The following PALLD variants were observed in gnomAD, a reference collection of about 807,000 sequenced individuals.
The protein encoded by PALLD is palladin, cytoskeletal associated protein.
PALLD carries 61 observed loss-of-function variants against 123.5 expected under a neutral mutation model. The ratio of observed to expected loss-of-function variants is 0.49; its 90% confidence interval spans 0.40 to 0.61. The LOEUF (loss-of-function observed/expected upper bound fraction) is 0.61. Among genes scored for constraint, PALLD ranks in the 20% least tolerant of loss-of-function variants. The pLI is 0.00. For missense variants in PALLD, 1,273 were observed against 1,377.0 expected, an observed-to-expected ratio of 0.92 and a Z score of 1.20; for synonymous variants, 465 against 496.4, an observed-to-expected ratio of 0.94 and a Z score of 0.84.
intron 10 of PALLD, among the ~76,000 whole-genome samples, chr4:168,809,697 C>G (rs1314107222): frequency 6.6e-6 from 1 of 152,030 alleles, no homozygotes; most frequent in Admixed American, 6.6e-5. Flanking sequence ...AGCCCCATCT[C>G]TACTAAAAAT....
chr4:168,819,216 C>A (rs1742375731), intron 10 of PALLD, among the ~76,000 whole-genome samples: 1 of 151,960 alleles, frequency 6.6e-6, no homozygotes, highest in African/African-American at 2.4e-5. Flanking sequence ...TTAAAAATAG[C>A]AAAGCTAGCA....
intron 6 of PALLD, among the ~76,000 whole-genome samples, chr4:168,689,393 T>C (rs1343690304): frequency 6.6e-6 from 1 of 151,588 alleles, no homozygotes; most frequent in Non-Finnish European, 1.5e-5. Context: ...ATGTTTGAGT[T>C]ATTTTGAGAG....
chr4:168,613,350 A>G (rs189689150), intron 2 of PALLD, among the ~76,000 whole-genome samples: 13 of 152,336 alleles, frequency 8.5e-5, no homozygotes, highest in Admixed American at 2.6e-4. Context: ...ACTGAGGTGT[A>G]TGTATTTCTG....
At chr4:168,583,576 GT>G (rs1162469216) in intron 2 of PALLD, among the ~76,000 whole-genome samples, 1 of 152,078 alleles carries the variant, frequency 6.6e-6, no homozygotes, top group African/African-American at 2.4e-5. Context: ...CCTAGTCTGG[GT>G]TCCTCTGGAA....
intron 18 of PALLD, among the ~76,000 whole-genome samples, chr4:168,921,943 A>G (rs1054264790): frequency 2.6e-5 from 4 of 152,142 alleles, no homozygotes; most frequent in East Asian, 3.8e-4. Context: ...TAACCTGGCA[A>G]AGAGAGAAAA....
chr4:168,640,975 G>A (rs1050488300), intron 2 of PALLD, among the ~76,000 whole-genome samples: 1 of 152,200 alleles, frequency 6.6e-6, no homozygotes, highest in South Asian at 2.1e-4. Flanking sequence ...TTGGGAGGTC[G>A]AGGTGGGCGG....
At chr4:168,755,101 C>T (rs13149186) in intron 10 of PALLD, among the ~76,000 whole-genome samples, 63,846 of 151,444 alleles carry the variant, frequency 0.42, 13,489 homozygotes, top group Non-Finnish European at 0.43. Flanking sequence ...GGCGTGGTGG[C>T]GGGCGCCTGT....
chr4:168,882,161 A>G (rs1420373119), intron 10 of PALLD, among the ~76,000 whole-genome samples: 1 of 152,246 alleles, frequency 6.6e-6, no homozygotes, highest in Non-Finnish European at 1.5e-5. Context: ...AGATGTATTA[A>G]TGACAGCTTT....
rs17054544 is a variant in PALLD, at chr4:168,863,310, A to G, written c.1965-27612A>G. On this transcript the variant is annotated intron_variant, in intron 10 of 21. Coordinates refer to ENST00000505667, the MANE Select transcript of PALLD (RefSeq NM_001166108.2). ...TTGGCTTATACTTCACCTTGAGCTAAGCATACTAATACCCAGTCCAGGCAG... is the reference window on the plus strand; with the variant it reads ...TTGGCTTATACTTCACCTTGAGCTAGGCATACTAATACCCAGTCCAGGCAG... 8.1e-3 allele frequency among the ~76,000 whole-genome samples: 1,237 copies of G among 152,286 alleles called. 13 individuals are homozygous for G. Among genetic ancestry groups the G allele is most frequent in the African/African-American group, 0.028 (1,171 of 41,544 alleles).
At chr4:168,567,766 T>C (rs1236794465) in intron 2 of PALLD, among the ~76,000 whole-genome samples, 9 of 151,812 alleles carry the variant, frequency 5.9e-5, no homozygotes, top group Non-Finnish European at 1.3e-4. Flanking sequence ...ATGGACATAG[T>C]GAATGGAATA....
chr4:168,721,814 G>A (rs930126096), intron 10 of PALLD, among the ~76,000 whole-genome samples: 63 of 152,074 alleles, frequency 4.1e-4, no homozygotes, highest in African/African-American at 1.2e-3. Context: ...CTCACCTCCC[G>A]TGTGGGATCT....
intron 2 of PALLD, among the ~76,000 whole-genome samples, chr4:168,601,016 G>A (rs1481616401): frequency 6.6e-6 from 1 of 152,048 alleles, no homozygotes; most frequent in Non-Finnish European, 1.5e-5. Flanking sequence ...ATGATGCAAG[G>A]ATATTAAGAA....
chr4:168,890,815 G>A (rs1754049144), intron 10 of PALLD, 107 bp from the exon 11 acceptor site: 1 of 1,096,844 alleles, frequency 9.1e-7, no homozygotes, highest in African/African-American at 1.5e-5. Flanking sequence ...AAAAAATAGT[G>A]GGAGTGACAT....
chr4:168,817,635 C>CT (rs926063152), intron 10 of PALLD, among the ~76,000 whole-genome samples: 2 of 152,126 alleles, frequency 1.3e-5, no homozygotes, highest in Non-Finnish European at 2.9e-5. Flanking sequence ...TATTTTGATA[C>CT]TTTTTTTGCA....
At chr4:168,622,069 C>A (rs939808000) in intron 2 of PALLD, among the ~76,000 whole-genome samples, 1 of 152,068 alleles carries the variant, frequency 6.6e-6, no homozygotes, top group Non-Finnish European at 1.5e-5. Flanking sequence ...GCACCAGAGA[C>A]CTGAAGAAGA....
intron 10 of PALLD, among the ~76,000 whole-genome samples, chr4:168,875,533 A>G (rs1050074811): frequency 6.6e-6 from 1 of 152,060 alleles, no homozygotes; most frequent in African/African-American, 2.4e-5. Flanking sequence ...CAGTCCCTGC[A>G]TATTATATTC....
chr4:168,549,701 T>G (rs1010697192), intron 2 of PALLD, among the ~76,000 whole-genome samples: 24 of 151,790 alleles, frequency 1.6e-4, no homozygotes, highest in African/African-American at 5.3e-4. Context: ...AAGATATCCA[T>G]CAAAGGGCTA....
At chr4:168,594,980 C>A (rs1771833602) in intron 2 of PALLD, among the ~76,000 whole-genome samples, 1 of 152,126 alleles carries the variant, frequency 6.6e-6, no homozygotes, top group Non-Finnish European at 1.5e-5. Flanking sequence ...TAATCTATTT[C>A]ATGTAAATGA....
At chr4:168,857,273 A>G (rs1748743107) in intron 10 of PALLD, among the ~76,000 whole-genome samples, 1 of 152,206 alleles carries the variant, frequency 6.6e-6, no homozygotes, top group African/African-American at 2.4e-5. Context: ...AGACGACTTC[A>G]TTGTTTGCTT....
Sources: gnomAD v4.1 joint callset for allele counts (sites outside exome capture counted in the v4.1 genomes callset) on GRCh38, gnomAD v4.1.1 for gene constraint, MANE v1.5 for transcripts, NCBI Gene and HGNC (gene_info 2026-07-23, HGNC 2026-07-21) for gene names.